Variants in KLHL6 observed in about 807,000 individuals in gnomAD.
KLHL6 encodes kelch like family member 6.
Under a neutral mutation model 58.6 loss-of-function variants are expected in KLHL6, and 41 were observed. The ratio of observed to expected loss-of-function variants is 0.70; its 90% CI spans 0.55 to 0.91. The LOEUF (loss-of-function observed/expected upper bound fraction) is 0.91. Ranked by LOEUF, KLHL6 falls within the 40% of genes least tolerant of loss-of-function variation. The pLI, the probability that KLHL6 is intolerant of heterozygous loss-of-function variation, is 0.00. For synonymous variants in KLHL6, 338 were observed against 322.7 expected (o/e 1.05, Z -0.51); for missense variants, 714 against 805.6 (o/e 0.89, Z 1.38).
chr3:183,513,836 C>G (rs1718255787), intron 2 of KLHL6, among the ~76,000 whole-genome samples: 1 of 152,118 alleles, frequency 6.6e-6, no homozygotes, highest in Admixed American at 6.5e-5. Context: ...GCCCTGCATG[C>G]ATTAGGTATT....
At position 183,525,530 on chromosome 3, in the gene KLHL6, A is replaced by C. The variant is rs151266427; in HGVS notation, c.459+2315T>G. ...GCTTTCCCTGGAAGGTGGGGTGTTT[A>C]TCAGCCTAATTTTACAAATGAAAAA... is the stretch of plus-strand genomic sequence containing the variant. On this transcript the variant is annotated intron_variant, in intron 2 of 6. Coordinates refer to ENST00000341319, the MANE Select transcript of KLHL6 (RefSeq NM_130446.4). Among the ~76,000 whole-genome samples, 144 of 152,330 alleles carry C rather than the reference A, an allele frequency of 9.5e-4. 1 individual carries two copies. Among genetic ancestry groups the C allele is most frequent in the African/African-American group, 3.4e-3 (142 of 41,574 alleles).
At chr3:183,547,103 G>A (rs1417968947) in intron 1 of KLHL6, among the ~76,000 whole-genome samples, 2 of 152,072 alleles carry the variant, frequency 1.3e-5, no homozygotes, top group African/African-American at 4.8e-5. Flanking sequence ...AGTAGAGACG[G>A]TGTTTCACCA....
chr3:183,519,443 T>C (rs1711670055), intron 2 of KLHL6, among the ~76,000 whole-genome samples: 1 of 152,124 alleles, frequency 6.6e-6, no homozygotes, highest in Non-Finnish European at 1.5e-5. Context: ...GATGCCTCTT[T>C]TTTCAATGCC....
chr3:183,553,961 T>A (rs1488402890), intron 1 of KLHL6, among the ~76,000 whole-genome samples: 11 of 149,846 alleles, frequency 7.3e-5, no homozygotes, highest in African/African-American at 2.5e-4. Context: ...AAAGAAACGT[T>A]TCCCCCCAAG....
At chr3:183,550,321 A>G (rs895532855) in intron 1 of KLHL6, among the ~76,000 whole-genome samples, 2 of 152,184 alleles carry the variant, frequency 1.3e-5, no homozygotes, top group Admixed American at 6.5e-5. Flanking sequence ...CCATGTAATT[A>G]CCAGGCAGTA....
At chr3:183,543,885 C>T (rs1232947235) in intron 1 of KLHL6, among the ~76,000 whole-genome samples, 3 of 152,130 alleles carry the variant, frequency 2.0e-5, no homozygotes, top group East Asian at 1.9e-4. Context: ...AGCACCAGGC[C>T]GGGTGTGGTG....
intron 2 of KLHL6, among the ~76,000 whole-genome samples, chr3:183,525,100 C>T (rs141175421): frequency 0.013 from 1,950 of 152,008 alleles, 56 homozygotes; most frequent in African/African-American, 0.044. Flanking sequence ...CCCGTCTCTA[C>T]TAAAAATACA....
At chr3:183,539,273 T>A (rs1712471254) in intron 1 of KLHL6, among the ~76,000 whole-genome samples, 1 of 152,172 alleles carries the variant, frequency 6.6e-6, no homozygotes, top group Non-Finnish European at 1.5e-5. Context: ...ACAGCCTTCC[T>A]AGAATTCCAT....
intron 3 of KLHL6, among the ~76,000 whole-genome samples, chr3:183,505,572 T>C (rs946019861): frequency 2.7e-5 from 4 of 148,206 alleles, no homozygotes; most frequent in Non-Finnish European, 6.0e-5. Context: ...AGAAAAACAA[T>C]AGAGAAAATC....
Position 183,555,569 on chromosome 3 carries a change from C to G in KLHL6, c.85G>C (p.Asp29His). 1 of 1,614,208 alleles carries G rather than the reference C, an allele frequency of 6.2e-7. No individual in the cohort carries two copies. Among genetic ancestry groups the G allele is most frequent in the Non-Finnish European group, 8.5e-7 (1 of 1,180,030 alleles). Residue 29 changes from aspartate to histidine, a missense_variant, in exon 1 of 7, where the codon GAT becomes CAT. Asp to His is a moderately conservative substitution (Grantham distance 81, BLOSUM62 -1). Transcript: ENST00000341319. Reference protein sequence around the residue: ...SLEGPLAPSTDEPSQKTGDLV... With the variant: ...SLEGPLAPSTHEPSQKTGDLV... The stretch of plus-strand genomic sequence containing the variant: ...TCTCCTGTTTTCTGGGAGGGCTCAT[C>G]TGTAGAAGGTGCCAGGGGCCCTTCC...
At chr3:183,516,795 G>A (rs922637528) in intron 2 of KLHL6, among the ~76,000 whole-genome samples, 3 of 152,214 alleles carry the variant, frequency 2.0e-5, no homozygotes, top group Non-Finnish European at 4.4e-5. Context: ...ATTGCAAAGG[G>A]TCTATAAAGA....
At chr3:183,540,915 C>T (rs912135873) in intron 1 of KLHL6, among the ~76,000 whole-genome samples, 8 of 152,170 alleles carry the variant, frequency 5.3e-5, no homozygotes, top group African/African-American at 1.4e-4. Flanking sequence ...GAGCAGGGTC[C>T]GCATTTGCGC....
intron 2 of KLHL6, chr3:183,522,455 T>G (rs12487008): frequency 0.45 from 67,688 of 152,062 alleles, 17,257 homozygotes; most frequent in Non-Finnish European, 0.58. Context: ...AATTTAAGTG[T>G]GAGAGGGAGT....
chr3:183,520,601 CA>C (rs1476270841), intron 2 of KLHL6: 1 of 151,572 alleles, frequency 6.6e-6, no homozygotes, highest in Non-Finnish European at 1.5e-5. Flanking sequence ...GGGAGAGGGT[CA>C]GCAGGAAAAC....
chr3:183,540,575 T>C (rs1453496968), intron 1 of KLHL6, among the ~76,000 whole-genome samples: 2 of 152,134 alleles, frequency 1.3e-5, no homozygotes, highest in Non-Finnish European at 2.9e-5. Context: ...GTTTGTTTGC[T>C]TGTTGGTTTG....
intron 1 of KLHL6, among the ~76,000 whole-genome samples, chr3:183,529,559 C>CG (rs1712089359): frequency 6.6e-6 from 1 of 151,622 alleles, no homozygotes; most frequent in South Asian, 2.1e-4. Context: ...GGTGGGGGAC[C>CG]GGGGGTGGGG....
chr3:183,505,205 A>G (rs1023005805), intron 3 of KLHL6, among the ~76,000 whole-genome samples: 1 of 152,036 alleles, frequency 6.6e-6, no homozygotes, highest in African/African-American at 2.4e-5. Context: ...CCATCAATCC[A>G]CTCATCACCC....
intron 3 of KLHL6, among the ~76,000 whole-genome samples, chr3:183,506,280 C>G (rs1054952607): frequency 1.3e-5 from 2 of 152,126 alleles, no homozygotes; most frequent in African/African-American, 4.8e-5. Context: ...TAAGGAGAAC[C>G]AGGTAGATCC....
At chr3:183,543,836 C>T (rs1242848835) in intron 1 of KLHL6, among the ~76,000 whole-genome samples, 3 of 152,172 alleles carry the variant, frequency 2.0e-5, no homozygotes, top group Admixed American at 6.5e-5. Context: ...GGCTATGATG[C>T]AACCTGTTAG....
Sources: gnomAD v4.1 joint callset for allele counts (sites outside exome capture counted in the v4.1 genomes callset) on GRCh38, gnomAD v4.1.1 for gene constraint, MANE v1.5 for transcripts, NCBI Gene and HGNC (gene_info 2026-07-23, HGNC 2026-07-21) for gene names.